MCCC1: variants seen among roughly 807,000 people sequenced by gnomAD.
MCCC1 encodes the protein methylcrotonyl-CoA carboxylase subunit 1, also known as methylcrotonoyl-CoA carboxylase subunit alpha, mitochondrial.
Under a neutral mutation model 83.8 loss-of-function variants are expected in MCCC1, and 64 were observed. The observed-to-expected ratio is 0.76, with a 90% CI of 0.62 to 0.94. The LOEUF (loss-of-function observed/expected upper bound fraction) is 0.94. Ranked by LOEUF, MCCC1 falls within the 40% of genes least tolerant of loss-of-function variation. MCCC1 has a pLI of 0.00. For synonymous variants in MCCC1, 322 were observed against 315.4 expected (o/e 1.02, Z -0.22); for missense variants, 807 against 904.7 (o/e 0.89, Z 1.39).
chr3:183,038,099 G>GATCAGATGA (rs1713774746), intron 12 of MCCC1, among the ~76,000 whole-genome samples: 1 of 152,102 alleles, frequency 6.6e-6, no homozygotes, highest in Non-Finnish European at 1.5e-5. Flanking sequence ...CCAGGCACTG[G>GATCAGATGA]GGACATAGTG....
intron 4 of MCCC1, among the ~76,000 whole-genome samples, chr3:183,084,508 C>G (rs1717748774): frequency 6.6e-6 from 1 of 152,118 alleles, no homozygotes; most frequent in South Asian, 2.1e-4. Context: ...ACCAAAAAAG[C>G]TTCATAAACA....
intron 4 of MCCC1, among the ~76,000 whole-genome samples, chr3:183,074,345 A>G (rs1716909077): frequency 6.6e-6 from 1 of 152,190 alleles, no homozygotes; most frequent in African/African-American, 2.4e-5. Context: ...ACACGCTGAC[A>G]GCAAAAAGGG....
chr3:183,072,490 A>G lies in MCCC1; in HGVS notation c.370-3T>C, dbSNP rs367884996. On this transcript the variant is annotated splice_polypyrimidine_tract_variant and splice_region_variant and intron_variant, in intron 4 of 18. Coordinates refer to ENST00000265594, the MANE Select transcript of MCCC1 (RefSeq NM_020166.5). ...AAACCGCATCCTGGATGGATAGCCT[A>G]GAAATGAGAAATAAAATAAAAAATT... 6.2e-7 allele frequency: 1 copy of G among 1,613,534 alleles called. No homozygotes were observed. Among genetic ancestry groups the G allele is most frequent in the Non-Finnish European group, 8.5e-7 (1 of 1,179,738 alleles).
intron 18 of MCCC1, among the ~76,000 whole-genome samples, chr3:183,016,522 C>T (rs992075425): frequency 7.9e-5 from 12 of 152,218 alleles, no homozygotes; most frequent in Non-Finnish European, 1.8e-4. Context: ...TGAGCCACTG[C>T]GCCCAGCCTT....
chr3:183,097,882 C>G (rs1211852116), intron 1 of MCCC1, among the ~76,000 whole-genome samples: 1 of 152,098 alleles, frequency 6.6e-6, no homozygotes, highest in Non-Finnish European at 1.5e-5. Flanking sequence ...ACAAGAAGAA[C>G]ATTAACATTA....
intron 7 of MCCC1, among the ~76,000 whole-genome samples, chr3:183,069,062 G>C (rs1247937259): frequency 6.6e-6 from 1 of 152,126 alleles, no homozygotes; most frequent in Non-Finnish European, 1.5e-5. Flanking sequence ...ATTATGGGTT[G>C]TTTTCCATCT....
At position 183,069,756 on chromosome 3, in the gene MCCC1, T is replaced by C. The variant is rs1175995646; in HGVS notation, c.761+1243A>G. ...GACTTACAGGTCACACACATATATA[T>C]ATAAAATTTAACAATTGTCATAAAA... On this transcript the variant is annotated intron_variant, in intron 7 of 18. Transcript: ENST00000265594. Among the ~76,000 whole-genome samples the C allele has an allele frequency of 2.6e-5, 4 of 152,138 alleles. No individual in the cohort carries two copies. In the East Asian group the frequency reaches 7.7e-4, roughly 29 times the overall value.
chr3:183,032,676 T>C (rs936020497), intron 14 of MCCC1, among the ~76,000 whole-genome samples: 2 of 152,008 alleles, frequency 1.3e-5, no homozygotes, highest in East Asian at 1.9e-4. Flanking sequence ...AGATCGAGAC[T>C]ATCCTGGCTA....
At chr3:183,060,933 A>G (rs1049990672) in intron 7 of MCCC1, among the ~76,000 whole-genome samples, 1 of 152,270 alleles carries the variant, frequency 6.6e-6, no homozygotes, top group African/African-American at 2.4e-5. Flanking sequence ...GCGAGCATCT[A>G]TTAATATTAC....
intron 1 of MCCC1, among the ~76,000 whole-genome samples, chr3:183,107,119 T>C (rs1160833136): frequency 6.6e-6 from 1 of 152,108 alleles, no homozygotes; most frequent in Non-Finnish European, 1.5e-5. Flanking sequence ...GAAAACACTG[T>C]AGTGGCCAGG....
intron 4 of MCCC1, among the ~76,000 whole-genome samples, chr3:183,078,222 G>T (rs1717224936): frequency 6.6e-6 from 1 of 152,104 alleles, no homozygotes; most frequent in Non-Finnish European, 1.5e-5. Context: ...GTTTCACCAT[G>T]TTGGCCAGGC....
chr3:183,102,781 T>C (rs993203390), upstream of MCCC1, among the ~76,000 whole-genome samples: 5 of 113,438 alleles, frequency 4.4e-5, no homozygotes, highest in African/African-American at 1.4e-4. Flanking sequence ...TTTTTTTTTT[T>C]TTTTTTTTTT....
At chr3:183,045,676 T>C in intron 9 of MCCC1, 136 bp from the exon 10 acceptor site, 1 of 924,764 alleles carries the variant, frequency 1.1e-6, no homozygotes, top group Non-Finnish European at 1.7e-6. Flanking sequence ...GAAGAAAACA[T>C]CTCGCATTTG....
chr3:183,090,747 G>A lies in MCCC1; in HGVS notation c.273+1662C>T, dbSNP rs183100062. ...TGGGATTACAGGCATGTGACACCAC[G>A]CCCAGCTAATTTTGTATTTTTAATA... On this transcript the variant is annotated intron_variant, in intron 3 of 18. Transcript: ENST00000265594. Among the ~76,000 whole-genome samples the A allele has an allele frequency of 1.0e-3, 153 of 152,150 alleles. 2 individuals are homozygous for A. The highest frequency in any genetic ancestry group is 3.4e-3 in the African/African-American group (143 of 41,522).
At chr3:183,095,033 C>T (rs886513543) in intron 1 of MCCC1, among the ~76,000 whole-genome samples, 1 of 152,118 alleles carries the variant, frequency 6.6e-6, no homozygotes, top group African/African-American at 2.4e-5. Context: ...CCTGTAATCC[C>T]AGCACTTTGG....
intron 1 of MCCC1, 136 bp downstream of exon 1, chr3:183,099,216 C>T (rs891424865): frequency 6.9e-6 from 7 of 1,009,064 alleles, no homozygotes; most frequent in Non-Finnish European, 1.0e-5. Flanking sequence ...GGCAGAACCC[C>T]TCCGAAAGTG....
rs766718354 is a variant in MCCC1 at position 183,071,390 on chromosome 3, A to G, written c.492-33T>C. ...GTGGGAAAGAAAACAACATGCCCCA[A>G]ATTCTACAAATTATTTCATTCAAGA... On this transcript the variant is annotated intron_variant, in intron 5 of 18. Coordinates refer to ENST00000265594, the MANE Select transcript of MCCC1 (RefSeq NM_020166.5). 1.9e-6 allele frequency: 3 copies of G among 1,613,926 alleles called. No homozygotes were observed. In the South Asian group the frequency reaches 3.3e-5, roughly 18 times the overall value.
chr3:183,046,113 A>AT (rs1269017746), intron 9 of MCCC1, among the ~76,000 whole-genome samples: 1 of 152,190 alleles, frequency 6.6e-6, no homozygotes, highest in Non-Finnish European at 1.5e-5. Context: ...TAGGCATGTG[A>AT]TTTAGCAATT....
chr3:183,053,236 C>G (rs914645669), intron 8 of MCCC1, among the ~76,000 whole-genome samples: 2 of 151,360 alleles, frequency 1.3e-5, no homozygotes, highest in African/African-American at 4.9e-5. Flanking sequence ...TTTGGGAGGC[C>G]GAGACGGGTG....
Sources: gnomAD v4.1 joint callset for allele counts (sites outside exome capture counted in the v4.1 genomes callset) on GRCh38, gnomAD v4.1.1 for gene constraint, MANE v1.5 for transcripts, NCBI Gene and HGNC (gene_info 2026-07-23, HGNC 2026-07-21) for gene names.